The following PRSS23 variants were observed in gnomAD, a reference collection of about 807,000 sequenced individuals.
The protein encoded by PRSS23 is protease, serine 23.
A neutral mutation model predicts 34.7 loss-of-function variants in PRSS23; 25 were observed. That is an observed-to-expected ratio of 0.72 (90% CI 0.53 to 1.01). PRSS23 has a LOEUF of 1.01. PRSS23 is among the 50% of genes least tolerant of loss of function. PRSS23 has a pLI of 0.00. For missense variants in PRSS23, 445 were observed against 475.6 expected (o/e 0.94, Z 0.60); for synonymous variants, 176 against 186.6 (o/e 0.94, Z 0.46).
chr11:86,882,375 C>G (rs1190964420), intron 2 of PRSS23, among the ~76,000 whole-genome samples: 1 of 152,146 alleles, frequency 6.6e-6, no homozygotes, highest in Non-Finnish European at 1.5e-5. Context: ...CACCTTCTGA[C>G]AGGCCCCAGT....
intron 2 of PRSS23, among the ~76,000 whole-genome samples, chr11:86,847,524 C>T (rs1198095061): frequency 6.6e-6 from 1 of 152,070 alleles, no homozygotes; most frequent in Admixed American, 6.5e-5. Flanking sequence ...TAGTCCTGAC[C>T]CTTAGGGGAC....
chr11:86,917,829 T>G (rs752093188), intron 2 of PRSS23, among the ~76,000 whole-genome samples: 9 of 152,220 alleles, frequency 5.9e-5, no homozygotes, highest in Non-Finnish European at 1.2e-4. Context: ...TATAATTGAT[T>G]GCCTATTCAT....
chr11:86,925,632 ACT>A (rs890801419), intron 2 of PRSS23, among the ~76,000 whole-genome samples: 1 of 151,944 alleles, frequency 6.6e-6, no homozygotes, highest in African/African-American at 2.4e-5. Flanking sequence ...TTTACTGAGC[ACT>A]CTCTATGTAC....
intron 2 of PRSS23, among the ~76,000 whole-genome samples, chr11:86,870,790 T>C (rs945725861): frequency 6.6e-6 from 1 of 152,204 alleles, no homozygotes; most frequent in Non-Finnish European, 1.5e-5. Flanking sequence ...CTTTAACCCA[T>C]CCAGTAAATT....
intron 2 of PRSS23, among the ~76,000 whole-genome samples, chr11:86,884,623 T>C (rs929861717): frequency 6.6e-6 from 1 of 152,234 alleles, no homozygotes; most frequent in African/African-American, 2.4e-5. Flanking sequence ...TTTGATTATA[T>C]GATTTTCTTT....
chr11:86,921,338 C>T (rs1949046163), intron 2 of PRSS23: 1 of 152,172 alleles, frequency 6.6e-6, no homozygotes, highest in Non-Finnish European at 1.5e-5. Context: ...TTCAAACTTG[C>T]ATGTTTAATG....
chr11:86,901,714 T>G (rs75357973), intron 2 of PRSS23, among the ~76,000 whole-genome samples: 2,902 of 152,254 alleles, frequency 0.019, 33 homozygotes, highest in Non-Finnish European at 0.026. Context: ...AGCTGGCATT[T>G]GGAAGGGAAT....
At chr11:86,870,572 TTA>T (rs1310990068) in intron 2 of PRSS23, among the ~76,000 whole-genome samples, 3 of 152,210 alleles carry the variant, frequency 2.0e-5, no homozygotes, top group African/African-American at 7.2e-5. Context: ...TTTTTGACCT[TTA>T]TATTTTCAAA....
At chr11:86,917,610 C>A (rs941541316) in intron 2 of PRSS23, among the ~76,000 whole-genome samples, 1 of 152,172 alleles carries the variant, frequency 6.6e-6, no homozygotes, top group Non-Finnish European at 1.5e-5. Context: ...GCTCTCATTA[C>A]TTGATTTTTT....
intron 2 of PRSS23, among the ~76,000 whole-genome samples, chr11:86,907,927 C>T (rs1948954705): frequency 6.6e-6 from 1 of 152,182 alleles, no homozygotes; most frequent in African/African-American, 2.4e-5. Flanking sequence ...ATTCTCTGCT[C>T]CTACAAGTTT....
rs758038291 is a variant in PRSS23 at position 86,809,465 on chromosome 11, A to G, written c.*670A>G. On this transcript the variant is annotated 3_prime_UTR_variant, in exon 2 of 2. Coordinates refer to ENST00000280258, the MANE Select transcript of PRSS23 (RefSeq NM_007173.6). ...TAGTTCCAAAAATAGTTTCTTTTCC[A>G]AAGGTTGTTGCTCTACTTTGTAGGA... The G allele has an allele frequency of 1.8e-5, 3 of 167,212 alleles. No homozygotes were observed. The highest frequency in any genetic ancestry group is 2.9e-5 in the Non-Finnish European group (2 of 68,122). The allele number at this position is 167,212 out of a possible 1,614,324, so 10.4% of individuals were successfully genotyped here.
chr11:86,837,257 A>G (rs1395541708), intron 2 of PRSS23: 5 of 152,276 alleles, frequency 3.3e-5, no homozygotes, highest in African/African-American at 1.2e-4. Context: ...CCCTTGATTT[A>G]GAACATTTAT....
chr11:86,929,150 C>T (rs140709916), intron 2 of PRSS23, among the ~76,000 whole-genome samples: 2 of 152,040 alleles, frequency 1.3e-5, no homozygotes, highest in African/African-American at 2.4e-5. Flanking sequence ...GGAGAAACCC[C>T]GTCTCTACTA....
At chr11:86,900,787 T>TG (rs1948906650) in intron 2 of PRSS23, among the ~76,000 whole-genome samples, 1 of 130,540 alleles carries the variant, frequency 7.7e-6, no homozygotes, top group African/African-American at 3.0e-5. Flanking sequence ...CTCTCTTTTT[T>TG]TTTTTTTTTT....
At chr11:86,908,339 A>T (rs1191118311) in intron 2 of PRSS23, among the ~76,000 whole-genome samples, 1 of 152,228 alleles carries the variant, frequency 6.6e-6, no homozygotes, top group Non-Finnish European at 1.5e-5. Flanking sequence ...AAGGAAACAC[A>T]TATTTTTAAT....
At chr11:86,832,861 G>A in intron 2 of PRSS23, 1 of 319,796 alleles carries the variant, frequency 3.1e-6, no homozygotes, top group South Asian at 2.8e-5. Flanking sequence ...GGAAATACAT[G>A]ACTATGTTAT....
rs773960745 is a variant in PRSS23, at chr11:86,808,147, G to C, written c.504G>C (p.Lys168Asn). 6.2e-7 allele frequency: 1 copy of C among 1,614,202 alleles called. No individual in the cohort carries two copies. Among genetic ancestry groups the C allele is most frequent in the Non-Finnish European group, 8.5e-7 (1 of 1,180,032 alleles). The change falls in exon 2 of 2, where the codon AAG becomes AAC. Residue 168 changes from lysine to asparagine, a missense_variant. By Grantham distance (94) the Lys-to-Asn change is moderately conservative. Coordinates refer to ENST00000280258, the MANE Select transcript of PRSS23 (RefSeq NM_007173.6). ...TGCTGTLVAE[K>N]HVLTAAHCIH... The stretch of plus-strand genomic sequence containing the variant: ...GCACCGGCACCCTGGTGGCAGAGAA[G>C]CATGTCCTCACAGCTGCCCACTGCA...
chr11:86,806,489 C>G (rs571144114), intron 1 of PRSS23, among the ~76,000 whole-genome samples: 1 of 152,328 alleles, frequency 6.6e-6, no homozygotes, highest in Admixed American at 6.5e-5. Context: ...ACTAGGACTC[C>G]TATTGCTTCT....
intron 2 of PRSS23, among the ~76,000 whole-genome samples, chr11:86,881,173 G>A (rs1948769857): frequency 6.6e-6 from 1 of 150,884 alleles, no homozygotes; most frequent in Non-Finnish European, 1.5e-5. Context: ...GATATTAACT[G>A]TGAGTTTTTG....
Sources: gnomAD v4.1 joint callset for allele counts (sites outside exome capture counted in the v4.1 genomes callset) on GRCh38, gnomAD v4.1.1 for gene constraint, MANE v1.5 for transcripts, NCBI Gene and HGNC (gene_info 2026-07-23, HGNC 2026-07-21) for gene names.